The following EGF variants were observed in gnomAD, a reference collection of about 807,000 sequenced individuals.
EGF encodes epidermal growth factor, also known as pro-epidermal growth factor.
EGF carries 95 observed loss-of-function variants against 143.8 expected under a neutral mutation model. The ratio of observed to expected loss-of-function variants is 0.66; its 90% CI spans 0.56 to 0.78. EGF has a LOEUF of 0.78. EGF is among the 30% of genes least tolerant of loss of function. EGF has a pLI of 0.00. For missense variants in EGF, 1,320 were observed against 1,470.9 expected (o/e 0.90, Z 1.68); for synonymous variants, 510 against 510.5 (o/e 1.00, Z 0.01).
In EGF at chr4:109,976,269, G is replaced by A. The variant is rs565684326; in HGVS notation, c.2053+34G>A. 1.1e-5 allele frequency: 17 copies of A among 1,571,270 alleles called. 1 individual carries two copies. In the African/African-American group the frequency reaches 2.0e-4, roughly 19 times the overall value. ...TTGGGATGGGCGATTTTTTCATCTT[G>A]ACTGAGTGTTTATGAGTGTTAAATA... is the stretch of plus-strand genomic sequence containing the variant. On this transcript the variant is annotated intron_variant, in intron 13 of 23. Transcript: ENST00000265171.
intron 11 of EGF, among the ~76,000 whole-genome samples, chr4:109,973,282 A>G (rs1403688717): frequency 6.6e-6 from 1 of 152,076 alleles, no homozygotes; most frequent in Non-Finnish European, 1.5e-5. Flanking sequence ...GCCCTTTCAC[A>G]CTAAAGCCAC....
chr4:109,962,150 G>T (rs1271206103), intron 8 of EGF, among the ~76,000 whole-genome samples, 165 bp downstream of exon 8: 1 of 152,148 alleles, frequency 6.6e-6, no homozygotes, highest in Non-Finnish European at 1.5e-5. Flanking sequence ...TAGTATTTTT[G>T]GGTTTTTGGC....
chr4:110,010,732 T>C, intron 23 of EGF, among the ~76,000 whole-genome samples: 1 of 152,194 alleles, frequency 6.6e-6, no homozygotes, highest in East Asian at 1.9e-4. Flanking sequence ...GTTACAAACA[T>C]GAGCCCCTGC....
chr4:109,963,552 G>T, intron 9 of EGF, among the ~76,000 whole-genome samples: 1 of 152,144 alleles, frequency 6.6e-6, no homozygotes, highest in East Asian at 1.9e-4. Flanking sequence ...TTTAGTATAT[G>T]AGAAAGTCAT....
intron 5 of EGF, among the ~76,000 whole-genome samples, chr4:109,956,505 T>C (rs1744816820): frequency 6.6e-6 from 1 of 152,226 alleles, no homozygotes. Context: ...TACTGCTTTT[T>C]AAAAAGAAAT....
chr4:109,975,440 C>T (rs937536008), intron 12 of EGF, among the ~76,000 whole-genome samples: 7 of 152,212 alleles, frequency 4.6e-5, no homozygotes, highest in South Asian at 2.1e-4. Flanking sequence ...ACTGTGAGAA[C>T]GTAACCATTT....
At chr4:109,996,254 A>G (rs921355872) in intron 20 of EGF, among the ~76,000 whole-genome samples, 19 of 152,216 alleles carry the variant, frequency 1.2e-4, no homozygotes, top group African/African-American at 2.7e-4. Context: ...TCCATTTATT[A>G]AATGATTGAT....
chr4:109,965,144 A>G (rs890139082), intron 10 of EGF, among the ~76,000 whole-genome samples: 3 of 152,156 alleles, frequency 2.0e-5, no homozygotes, highest in African/African-American at 7.2e-5. Context: ...TCTTAGTTGT[A>G]TCTGTGCTAG....
At chr4:109,974,950 G>T in intron 12 of EGF, 143 bp downstream of exon 12, 1 of 611,168 alleles carries the variant, frequency 1.6e-6, no homozygotes, top group Non-Finnish European at 2.9e-6. Flanking sequence ...TGCTTTTAAT[G>T]TCTTGATTTT....
intron 1 of EGF, among the ~76,000 whole-genome samples, chr4:109,914,329 C>T (rs1018910440): frequency 2.0e-5 from 3 of 152,126 alleles, no homozygotes; most frequent in African/African-American, 4.8e-5. Flanking sequence ...TTTGAGATGG[C>T]GTCTGGCTTT....
chr4:109,964,833 GCA>G lies in EGF; in HGVS notation c.1575+299_1575+300del, dbSNP rs11568963. Among the ~76,000 whole-genome samples the G allele has an allele frequency of 2.0e-3, 304 of 152,290 alleles. 4 individuals carry two copies. The South Asian group carries it at 0.025, about 12-fold the overall frequency. On this transcript the variant is annotated intron_variant, in intron 10 of 23. Transcript: ENST00000265171. ...CTTTGGAGATGAGGATGGGAGACTA[GCA>G]CAGTGTCATGCATATAGAAGGAGCT... is the stretch of plus-strand genomic sequence containing the variant.
rs777698786 is a variant in EGF, at chr4:109,988,721, C to T, written c.2734+12C>T. 8.1e-6 allele frequency: 13 copies of T among 1,613,652 alleles called. No individual in the cohort carries two copies. Among genetic ancestry groups the T allele is most frequent in the African/African-American group, 1.3e-5 (1 of 75,010 alleles). Reference sequence around the variant, plus strand: ...GATTCACTGTCTTGGTAAGAGGACACATGTGCTGGGGAGGAGGGCAGAGGC... The same window carrying T: ...GATTCACTGTCTTGGTAAGAGGACATATGTGCTGGGGAGGAGGGCAGAGGC... On this transcript the variant is annotated intron_variant, in intron 18 of 23. Coordinates refer to ENST00000265171, the MANE Select transcript of EGF (RefSeq NM_001963.6).
At chr4:109,932,478 A>C (rs980658615) in intron 1 of EGF, among the ~76,000 whole-genome samples, 1 of 148,332 alleles carries the variant, frequency 6.7e-6, no homozygotes, top group East Asian at 2.0e-4. Flanking sequence ...ACCCGGGTTC[A>C]CACCATTCTC....
intron 5 of EGF, among the ~76,000 whole-genome samples, chr4:109,954,559 C>G (rs1320157206): frequency 6.6e-6 from 1 of 151,968 alleles, no homozygotes; most frequent in East Asian, 1.9e-4. Context: ...GAGTAAACTT[C>G]TATACTGTTC....
At chr4:109,966,554 T>C (rs1746634024) in intron 10 of EGF, among the ~76,000 whole-genome samples, 1 of 152,156 alleles carries the variant, frequency 6.6e-6, no homozygotes. Context: ...ATTGGGTAGA[T>C]AGCCAGTAGT....
At chr4:109,919,261 C>T (rs909152286) in intron 1 of EGF, among the ~76,000 whole-genome samples, 4 of 148,938 alleles carry the variant, frequency 2.7e-5, no homozygotes, top group African/African-American at 9.9e-5. Context: ...TAGGCAGTCC[C>T]AGGTATTAGG....
chr4:109,952,204 C>A (rs565439999), intron 5 of EGF, among the ~76,000 whole-genome samples: 1 of 152,176 alleles, frequency 6.6e-6, no homozygotes, highest in Non-Finnish European at 1.5e-5. Context: ...GATTTTACAA[C>A]TACTTTATTG....
intron 11 of EGF, among the ~76,000 whole-genome samples, chr4:109,969,502 A>T (rs987798504): frequency 6.6e-6 from 1 of 152,146 alleles, no homozygotes; most frequent in African/African-American, 2.4e-5. Context: ...TACCTAATGT[A>T]GATGACGGGT....
At chr4:109,919,283 CTCTG>C (rs1246097270) in intron 1 of EGF, among the ~76,000 whole-genome samples, 30 of 113,656 alleles carry the variant, frequency 2.6e-4, no homozygotes, top group Non-Finnish European at 4.2e-4. Flanking sequence ...ATGCATGCTT[CTCTG>C]TCTCTCTCTC....
Sources: gnomAD v4.1 joint callset for allele counts (sites outside exome capture counted in the v4.1 genomes callset) on GRCh38, gnomAD v4.1.1 for gene constraint, MANE v1.5 for transcripts, NCBI Gene and HGNC (gene_info 2026-07-23, HGNC 2026-07-21) for gene names.